PSMA1: variants seen among roughly 807,000 people sequenced by gnomAD.
The protein encoded by PSMA1 is proteasome 20S subunit alpha 1, also known as proteasome subunit alpha type-1.
Under a neutral mutation model 38.4 loss-of-function variants are expected in PSMA1, and 3 were observed. That is an observed-to-expected ratio of 0.08 (90% CI 0.04 to 0.20). The LOEUF (loss-of-function observed/expected upper bound fraction) is 0.20, where lower values mean the gene tolerates loss of function less well. Ranked by LOEUF, PSMA1 falls within the 10% of genes least tolerant of loss-of-function variation. The pLI, the probability that PSMA1 is intolerant of heterozygous loss-of-function variation, is 1.00. For missense variants in PSMA1, 227 were observed against 325.3 expected (o/e 0.70, Z 2.32); for synonymous variants, 101 against 107.1 (o/e 0.94, Z 0.35).
At chr11:14,576,107 G>A (rs1852210780) in intron 2 of PSMA1, among the ~76,000 whole-genome samples, 1 of 152,096 alleles carries the variant, frequency 6.6e-6, no homozygotes, top group African/African-American at 2.4e-5. Context: ...TGATGGGGTT[G>A]TTTGATTTTT....
chr11:14,590,775 C>T (rs749344204), intron 2 of PSMA1, among the ~76,000 whole-genome samples: 1 of 152,190 alleles, frequency 6.6e-6, no homozygotes, highest in Non-Finnish European at 1.5e-5. Context: ...GATCAAAACC[C>T]GAGACCCGCA....
rs572405544 is a variant in PSMA1, at chr11:14,625,134, T to C, written c.-165-13983A>G. Among the ~76,000 whole-genome samples, 35 of 152,238 alleles carry C rather than the reference T, an allele frequency of 2.3e-4. 1 individual carries two copies. The highest frequency in any genetic ancestry group is 8.8e-5 in the Non-Finnish European group (6 of 68,006). ...AAGCAGATCTGTCCAGAGAAAGAGG[T>C]GGACTGTGGCAATCAAGAAAATTTG... On this transcript the variant is annotated intron_variant, in intron 1 of 10. Transcript: ENST00000418988.
intron 2 of PSMA1, 145 bp from the exon 3 acceptor site, chr11:14,518,126 G>GTTC (rs1554967154): frequency 6.7e-6 from 4 of 596,712 alleles, no homozygotes; most frequent in Non-Finnish European, 1.1e-5. Context: ...TTTGAGACAG[G>GTTC]TTCTCACTCT....
At chr11:14,641,079 A>G (rs1259777235) in intron 1 of PSMA1, among the ~76,000 whole-genome samples, 1 of 152,134 alleles carries the variant, frequency 6.6e-6, no homozygotes. Context: ...CCTAATGTAG[A>G]TGACGCCTTG....
At chr11:14,581,956 CT>C (rs1202708373) in intron 2 of PSMA1, among the ~76,000 whole-genome samples, 5 of 152,180 alleles carry the variant, frequency 3.3e-5, no homozygotes, top group Admixed American at 6.5e-5. Context: ...AACTTTGCCC[CT>C]GATTCTTATT....
intron 2 of PSMA1, among the ~76,000 whole-genome samples, chr11:14,552,988 G>T (rs1439039444): frequency 2.0e-5 from 3 of 151,746 alleles, no homozygotes; most frequent in African/African-American, 7.3e-5. Context: ...ACGACACCCA[G>T]CTAACTTTTT....
intron 2 of PSMA1, among the ~76,000 whole-genome samples, chr11:14,584,067 G>A (rs1262043552): frequency 6.6e-6 from 1 of 152,156 alleles, no homozygotes; most frequent in Non-Finnish European, 1.5e-5. Context: ...GTCCTTCTTT[G>A]AAAGTTTTTT....
intron 2 of PSMA1, among the ~76,000 whole-genome samples, chr11:14,539,999 G>A (rs1851754580): frequency 6.6e-6 from 1 of 152,170 alleles, no homozygotes; most frequent in Non-Finnish European, 1.5e-5. Flanking sequence ...GCAGCATTTA[G>A]CCTGTAGTGC....
At chr11:14,546,449 T>C (rs554613348) in intron 2 of PSMA1, among the ~76,000 whole-genome samples, 2 of 152,120 alleles carry the variant, frequency 1.3e-5, no homozygotes, top group East Asian at 1.9e-4. Flanking sequence ...GTGGCTTTTT[T>C]TCCCCCCAGA....
chr11:14,583,053 G>A (rs1017660784), intron 2 of PSMA1, among the ~76,000 whole-genome samples: 3 of 152,196 alleles, frequency 2.0e-5, no homozygotes, highest in African/African-American at 7.2e-5. Context: ...AAAAGGCCAT[G>A]TTTTATTTGG....
chr11:14,523,369 C>T (rs1337900005), upstream of PSMA1, among the ~76,000 whole-genome samples: 1 of 152,142 alleles, frequency 6.6e-6, no homozygotes, highest in Non-Finnish European at 1.5e-5. Context: ...CTCCTGGGCT[C>T]AAGCCATCCT....
intron 1 of PSMA1, among the ~76,000 whole-genome samples, chr11:14,619,107 G>C (rs1852809520): frequency 6.6e-6 from 1 of 152,046 alleles, no homozygotes; most frequent in Admixed American, 6.6e-5. Flanking sequence ...TTACATTTAA[G>C]CCAGGGGGAA....
chr11:14,611,009 C>T, exon 2 of PSMA1: 2 of 1,611,044 alleles, frequency 1.2e-6, no homozygotes, highest in Non-Finnish European at 1.7e-6. Context: ...AGACAGTCAC[C>T]TAGTAGACCA....
intron 1 of PSMA1, chr11:14,519,943 C>G (rs1851499267): frequency 3.5e-6 from 1 of 288,086 alleles, no homozygotes; most frequent in South Asian, 9.1e-5. Context: ...AGGTAGGCCT[C>G]CAAGTCAAGT....
At chr11:14,565,141 T>C (rs1852054603) in intron 2 of PSMA1, among the ~76,000 whole-genome samples, 1 of 152,202 alleles carries the variant, frequency 6.6e-6, no homozygotes, top group Non-Finnish European at 1.5e-5. Flanking sequence ...TTTCAAGGAA[T>C]TGCTCTATTT....
chr11:14,584,078 A>T lies in PSMA1; in HGVS notation c.21+26888T>A, dbSNP rs557325665. 5.2e-3 allele frequency among the ~76,000 whole-genome samples: 792 copies of T among 152,310 alleles called. 8 individuals are homozygous for T. The highest frequency in any genetic ancestry group is 0.018 in the African/African-American group (737 of 41,558). ...TAAAGTCCTTCTTTGAAAGTTTTTT[A>T]AAAAAATTCTATATTGGATCAAAGC... On this transcript the variant is annotated intron_variant, in intron 2 of 10. Coordinates refer to the PSMA1 transcript ENST00000418988.
chr11:14,527,396 T>G (rs186323449), intron 2 of PSMA1, among the ~76,000 whole-genome samples: 1 of 152,194 alleles, frequency 6.6e-6, no homozygotes, highest in Non-Finnish European at 1.5e-5. Flanking sequence ...GCCCATTCTA[T>G]TCTATCATCA....
At chr11:14,604,848 G>GTGTTA (rs1166087592) in intron 2 of PSMA1, among the ~76,000 whole-genome samples, 5 of 152,104 alleles carry the variant, frequency 3.3e-5, no homozygotes, top group Non-Finnish European at 7.4e-5. Context: ...ATTTGCTTAG[G>GTGTTA]ATAATGACCT....
intron 2 of PSMA1, among the ~76,000 whole-genome samples, chr11:14,539,178 A>G (rs1397945244): frequency 6.6e-6 from 1 of 152,218 alleles, no homozygotes; most frequent in Non-Finnish European, 1.5e-5. Flanking sequence ...CTACACAGAG[A>G]GATATTCTAA....
Sources: allele counts gnomAD v4.1 joint callset (sites outside exome capture counted in the v4.1 genomes callset), GRCh38; gene constraint gnomAD v4.1.1; transcripts MANE v1.5; gene names NCBI Gene and HGNC (gene_info 2026-07-23, HGNC 2026-07-21).